EYA1: variants seen among roughly 807,000 people sequenced by gnomAD.
The protein encoded by EYA1 is protein phosphatase EYA1.
Under a neutral mutation model 82.0 loss-of-function variants are expected in EYA1, and 16 were observed. That is an observed-to-expected ratio of 0.20 (90% CI 0.13 to 0.30). EYA1 has a LOEUF of 0.30. EYA1 is among the 10% of genes least tolerant of loss of function. EYA1 has a pLI of 1.00. For synonymous variants in EYA1, 261 were observed against 264.4 expected (o/e 0.99, Z 0.12); for missense variants, 633 against 730.7 (o/e 0.87, Z 1.54).
chr8:71,273,694 CCAAGCATT>C (rs1296539904), intron 9 of EYA1, among the ~76,000 whole-genome samples: 4 of 152,182 alleles, frequency 2.6e-5, no homozygotes, highest in African/African-American at 9.7e-5. Flanking sequence ...TGTTTCGATA[CCAAGCATT>C]CATTTTACAA....
At chr8:71,381,897 A>C (rs1036965645) in intron 2 of EYA1, among the ~76,000 whole-genome samples, 3 of 152,262 alleles carry the variant, frequency 2.0e-5, no homozygotes, top group African/African-American at 7.2e-5. Context: ...CTTTACAACA[A>C]TTAAAAAAAG....
intron 2 of EYA1, among the ~76,000 whole-genome samples, chr8:71,400,035 G>A (rs1161194319): frequency 6.6e-6 from 1 of 152,044 alleles, no homozygotes; most frequent in Non-Finnish European, 1.5e-5. Context: ...CTGAGAAACA[G>A]CAATGGGGAA....
At chr8:71,294,481 A>C (rs1227490156) in intron 9 of EYA1, among the ~76,000 whole-genome samples, 1 of 152,100 alleles carries the variant, frequency 6.6e-6, no homozygotes, top group Non-Finnish European at 1.5e-5. Context: ...CAAAAAAAAC[A>C]CACCATTATT....
intron 2 of EYA1, among the ~76,000 whole-genome samples, chr8:71,447,599 C>T (rs1433237686): frequency 1.3e-5 from 2 of 152,096 alleles, no homozygotes; most frequent in Admixed American, 1.3e-4. Context: ...CTAATACAGG[C>T]ATATTTCAGA....
At chr8:71,450,883 T>A (rs900382597) in intron 2 of EYA1, among the ~76,000 whole-genome samples, 1 of 152,256 alleles carries the variant, frequency 6.6e-6, no homozygotes, top group Non-Finnish European at 1.5e-5. Flanking sequence ...TACATTTCTA[T>A]AATGCTTTTA....
intron 2 of EYA1, among the ~76,000 whole-genome samples, chr8:71,523,005 A>G (rs1302401615): frequency 2.6e-5 from 4 of 152,140 alleles, no homozygotes. Context: ...ACTTATGTTA[A>G]AACTTTTCAT....
chr8:71,356,880 C>T (rs543906711), intron 1 of EYA1: 1 of 215,808 alleles, frequency 4.6e-6, no homozygotes, highest in African/African-American at 2.3e-5. Flanking sequence ...ACAAAATGAT[C>T]GTGTTTAACA....
intron 2 of EYA1, among the ~76,000 whole-genome samples, chr8:71,402,480 T>C (rs1023404583): frequency 6.6e-6 from 1 of 152,166 alleles, no homozygotes; most frequent in Non-Finnish European, 1.5e-5. Context: ...ATGAATAAAA[T>C]GTTACATGCC....
At chr8:71,512,349 T>TAAA (rs1164128371) in intron 2 of EYA1, among the ~76,000 whole-genome samples, 1 of 151,678 alleles carries the variant, frequency 6.6e-6, no homozygotes, top group Non-Finnish European at 1.5e-5. Context: ...CAGAAAAAAG[T>TAAA]TTTTAAAAAA....
chr8:71,300,634 G>T (rs889068964), intron 7 of EYA1, among the ~76,000 whole-genome samples: 1 of 151,600 alleles, frequency 6.6e-6, no homozygotes, highest in Non-Finnish European at 1.5e-5. Flanking sequence ...TTTACTCTAA[G>T]AAAAAAAATT....
chr8:71,540,162 A>C (rs146163013), intron 1 of EYA1, among the ~76,000 whole-genome samples: 1 of 152,294 alleles, frequency 6.6e-6, no homozygotes, highest in East Asian at 1.9e-4. Flanking sequence ...TTCCTGCCAT[A>C]ATTTAAACTC....
intron 2 of EYA1, among the ~76,000 whole-genome samples, chr8:71,442,032 G>A (rs1419718891): frequency 6.6e-6 from 1 of 152,160 alleles, no homozygotes; most frequent in Non-Finnish European, 1.5e-5. Context: ...GAACTTGCCA[G>A]CTTCCGGAAC....
At chr8:71,418,099 A>G (rs999318049) in intron 2 of EYA1, among the ~76,000 whole-genome samples, 3 of 152,164 alleles carry the variant, frequency 2.0e-5, no homozygotes, top group African/African-American at 7.2e-5. Context: ...TCATCCCTTT[A>G]GTCCACTCCT....
At chr8:71,211,850 A>G (rs1365086111) in intron 16 of EYA1, among the ~76,000 whole-genome samples, 1 of 152,226 alleles carries the variant, frequency 6.6e-6, no homozygotes. Flanking sequence ...TCCTTCTCAA[A>G]TAAATGTCAG....
At chr8:71,264,674 C>T (rs371892245) in intron 11 of EYA1, among the ~76,000 whole-genome samples, 336 of 151,774 alleles carry the variant, frequency 2.2e-3, no homozygotes, top group African/African-American at 7.7e-3. Context: ...ACCTCCCAGG[C>T]TCAAGCGATC....
At chr8:71,458,043 G>C (rs1808085467) in intron 2 of EYA1, among the ~76,000 whole-genome samples, 1 of 152,120 alleles carries the variant, frequency 6.6e-6, no homozygotes, top group African/African-American at 2.4e-5. Context: ...AGGGTAGAGA[G>C]AGCGAATATC....
chr8:71,323,045 C>T lies in EYA1; in HGVS notation c.203-777G>A, dbSNP rs144086240. On this transcript the variant is annotated intron_variant, in intron 4 of 17. Transcript: ENST00000340726. ...TGAAGTCCAAGCAAATGTTCTTGTG[C>T]TCTAATTTTGAACTGAAGAAGCAAA... 1.0e-3 allele frequency among the ~76,000 whole-genome samples: 154 copies of T among 152,230 alleles called. 1 individual carries two copies. The highest frequency in any genetic ancestry group is 3.5e-3 in the African/African-American group (146 of 41,536).
At chr8:71,441,091 T>C (rs1046123751) in intron 2 of EYA1, among the ~76,000 whole-genome samples, 2 of 151,944 alleles carry the variant, frequency 1.3e-5, no homozygotes, top group African/African-American at 4.8e-5. Flanking sequence ...ACAAAGGCAA[T>C]CCCAAGGTTT....
chr8:71,478,164 T>A (rs1210752948), intron 2 of EYA1, among the ~76,000 whole-genome samples: 1 of 152,238 alleles, frequency 6.6e-6, no homozygotes, highest in Non-Finnish European at 1.5e-5. Context: ...GAAAAATAAT[T>A]TGTGCATTTC....
Sources: allele counts gnomAD v4.1 joint callset (sites outside exome capture counted in the v4.1 genomes callset), GRCh38; gene constraint gnomAD v4.1.1; transcripts MANE v1.5; gene names NCBI Gene and HGNC (gene_info 2026-07-23, HGNC 2026-07-21).